The following LYRM4 variants were observed in gnomAD, a reference collection of about 807,000 sequenced individuals.
LYRM4 encodes the protein LYR motif-containing protein 4.
A neutral mutation model predicts 11.7 loss-of-function variants in LYRM4; 9 were observed. That is an observed-to-expected ratio of 0.77 (90% CI 0.46 to 1.34). The LOEUF is 1.34. Among genes scored for constraint, LYRM4 ranks in the 40% most tolerant of loss-of-function variants. The pLI is 0.00. For synonymous variants in LYRM4, 42 were observed against 40.4 expected (o/e 1.04, Z -0.15); for missense variants, 133 against 112.5 (o/e 1.18, Z -0.82).
chr6:5,108,409 T>C (rs1762730553), downstream of LYRM4: 2 of 968,472 alleles, frequency 2.1e-6, no homozygotes, highest in Non-Finnish European at 2.5e-6. Flanking sequence ...AATGAATCTG[T>C]TTCCAAGAAT....
intron 2 of LYRM4, among the ~76,000 whole-genome samples, chr6:5,153,394 T>C (rs1581390940): frequency 6.6e-6 from 1 of 152,180 alleles, no homozygotes; most frequent in Non-Finnish European, 1.5e-5. Context: ...CCTGGCGCCC[T>C]TGCTAATCTT....
the LYRM4 span, chr6:5,085,319 C>T: frequency 1.8e-6 from 1 of 554,356 alleles, no homozygotes; most frequent in Non-Finnish European, 3.1e-6. Flanking sequence ...AGCTAAAAGC[C>T]GGAGGCTCCA....
the LYRM4 span, chr6:5,066,883 T>C: frequency 9.3e-7 from 1 of 1,076,074 alleles, no homozygotes; most frequent in Non-Finnish European, 1.4e-6. Context: ...GGCAAGTGCT[T>C]TCGCATCGCC....
chr6:5,254,866 ATG>A (rs1764595201), intron 1 of LYRM4, among the ~76,000 whole-genome samples: 1 of 152,010 alleles, frequency 6.6e-6, no homozygotes, highest in Non-Finnish European at 1.5e-5. Flanking sequence ...ATCTACTCTC[ATG>A]TTTTATTAAC....
At chr6:5,166,306 A>G (rs559950480) in intron 2 of LYRM4, among the ~76,000 whole-genome samples, 216 of 152,396 alleles carry the variant, frequency 1.4e-3, no homozygotes, top group Non-Finnish European at 1.6e-3. Flanking sequence ...AAGAAAGCAC[A>G]GAAGTTACCT....
intron 1 of LYRM4, among the ~76,000 whole-genome samples, chr6:5,258,349 T>A (rs1241606316): frequency 6.6e-6 from 1 of 152,280 alleles, no homozygotes; most frequent in Non-Finnish European, 1.5e-5. Flanking sequence ...ACTACCTGTG[T>A]TAGTTTTGAT....
At chr6:5,068,774 A>T in the LYRM4 span, among the ~76,000 whole-genome samples, 2 of 151,396 alleles carry the variant, frequency 1.3e-5, no homozygotes, top group East Asian at 3.9e-4. This position sits in a 1 kb window ranked among gnomAD's most constrained non-coding sequence, Gnocchi z 4.0. Flanking sequence ...CCTAGAACTT[A>T]AAGTATTTAA....
intron 2 of LYRM4, among the ~76,000 whole-genome samples, chr6:5,176,793 A>C (rs1759745608): frequency 6.6e-6 from 1 of 152,206 alleles, no homozygotes; most frequent in Non-Finnish European, 1.5e-5. Flanking sequence ...GTTTTGGTGA[A>C]TGTGTATCTC....
At chr6:5,220,027 G>T (rs1007383820) in intron 1 of LYRM4, among the ~76,000 whole-genome samples, 15 of 152,178 alleles carry the variant, frequency 9.9e-5, no homozygotes, top group Admixed American at 9.8e-4. Context: ...GCAGTTTCTT[G>T]GTGCTTCTTT....
the LYRM4 span, among the ~76,000 whole-genome samples, chr6:5,044,614 T>C: frequency 6.6e-6 from 1 of 152,182 alleles, no homozygotes; most frequent in South Asian, 2.1e-4. Context: ...CTTTTTTTCC[T>C]TCCTCGGCCC....
At chr6:5,125,123 G>A (rs1037313692) in intron 2 of LYRM4, among the ~76,000 whole-genome samples, 2 of 152,156 alleles carry the variant, frequency 1.3e-5, no homozygotes, top group African/African-American at 4.8e-5. Flanking sequence ...CTGCAGCCAC[G>A]GTAAGGAGAA....
At chr6:5,134,162 G>C (rs1369734826) in intron 2 of LYRM4, among the ~76,000 whole-genome samples, 1 of 152,240 alleles carries the variant, frequency 6.6e-6, no homozygotes, top group African/African-American at 2.4e-5. Context: ...TTGAGGAAGT[G>C]ACAAGCTGCT....
intron 2 of LYRM4, among the ~76,000 whole-genome samples, chr6:5,179,938 T>C (rs1337480319): frequency 1.3e-5 from 2 of 152,214 alleles, no homozygotes; most frequent in African/African-American, 4.8e-5. Flanking sequence ...TGCCTAATCA[T>C]AGGAGATGTA....
chr6:5,147,112 T>C (rs1375169660), intron 2 of LYRM4, among the ~76,000 whole-genome samples: 1 of 152,210 alleles, frequency 6.6e-6, no homozygotes, highest in Non-Finnish European at 1.5e-5. Flanking sequence ...TGAGTAGAAC[T>C]GGGATTTATG....
chr6:5,232,825 C>T (rs1763319413), intron 1 of LYRM4, among the ~76,000 whole-genome samples: 1 of 152,168 alleles, frequency 6.6e-6, no homozygotes, highest in Non-Finnish European at 1.5e-5. Context: ...AGGTATTTGG[C>T]CTCAGTATTG....
At chr6:5,226,471 G>A (rs1762899269) in intron 1 of LYRM4, among the ~76,000 whole-genome samples, 2 of 152,112 alleles carry the variant, frequency 1.3e-5, no homozygotes, top group East Asian at 1.9e-4. Flanking sequence ...TGCAACCTCC[G>A]CTTCCTGGGT....
chr6:5,259,163 G>T (rs1428608514), intron 1 of LYRM4, among the ~76,000 whole-genome samples: 1 of 152,198 alleles, frequency 6.6e-6, no homozygotes, highest in Non-Finnish European at 1.5e-5. Flanking sequence ...TCCTTAGTGT[G>T]TGAACTGCCT....
intron 2 of LYRM4, chr6:5,132,821 G>C (rs185327280): frequency 1.3e-5 from 2 of 152,376 alleles, no homozygotes; most frequent in Admixed American, 1.3e-4. Context: ...AAGAGAACTA[G>C]AACTCCCATC....
intron 1 of LYRM4, among the ~76,000 whole-genome samples, chr6:5,255,442 A>T (rs955153836): frequency 6.6e-6 from 1 of 152,208 alleles, no homozygotes; most frequent in African/African-American, 2.4e-5. Context: ...GTTATTCTTC[A>T]TAAAAGTGTT....
Sources: allele counts gnomAD v4.1 joint callset (sites outside exome capture counted in the v4.1 genomes callset), GRCh38; gene constraint gnomAD v4.1.1; non-coding constraint Gnocchi (gnomAD v3.1); transcripts MANE v1.5; gene names NCBI Gene and HGNC (gene_info 2026-07-23, HGNC 2026-07-21).